The following CCDC33 variants were observed in gnomAD, a reference collection of about 807,000 sequenced individuals.
CCDC33 encodes the protein coiled-coil domain-containing protein 33.
Under a neutral mutation model 91.9 loss-of-function variants are expected in CCDC33, and 94 were observed. The observed-to-expected ratio is 1.02, with a 90% CI of 0.87 to 1.21. The LOEUF (loss-of-function observed/expected upper bound fraction) is 1.21. Among genes scored for constraint, CCDC33 ranks in the 50% most tolerant of loss-of-function variants. CCDC33 has a pLI of 0.00. For missense variants in CCDC33, 940 were observed against 935.5 expected, an observed-to-expected ratio of 1.00 and a Z score of -0.06; for synonymous variants, 396 against 374.5, an observed-to-expected ratio of 1.06 and a Z score of -0.66.
intron 10 of CCDC33, among the ~76,000 whole-genome samples, chr15:74,292,887 C>T (rs1408693097): frequency 2.0e-5 from 3 of 152,198 alleles, no homozygotes; most frequent in Admixed American, 6.5e-5. Context: ...CACCTCACCC[C>T]ATAAGAGACT....
chr15:74,275,673 C>A (rs1033313417), intron 7 of CCDC33, among the ~76,000 whole-genome samples: 1 of 151,966 alleles, frequency 6.6e-6, no homozygotes, highest in Non-Finnish European at 1.5e-5. Flanking sequence ...TAAGAGGCAG[C>A]CTCTCTTTTT....
At chr15:74,243,003 C>T (rs1047161656) in intron 1 of CCDC33, among the ~76,000 whole-genome samples, 3 of 152,082 alleles carry the variant, frequency 2.0e-5, no homozygotes, top group Non-Finnish European at 4.4e-5. Flanking sequence ...CTTCCCTGAC[C>T]GCCTCAGCCG....
intron 3 of CCDC33, among the ~76,000 whole-genome samples, chr15:74,263,372 G>C (rs553398406): frequency 6.6e-6 from 1 of 152,292 alleles, no homozygotes; most frequent in South Asian, 2.1e-4. Flanking sequence ...CTTGCTTCTT[G>C]CAGGTGGTCT....
At chr15:74,281,497 T>C (rs556385583) in intron 9 of CCDC33, among the ~76,000 whole-genome samples, 1 of 152,358 alleles carries the variant, frequency 6.6e-6, no homozygotes, top group South Asian at 2.1e-4. Flanking sequence ...CCATTTCCCC[T>C]AAAATACTTC....
At chr15:74,239,112 G>A (rs780531633) in intron 1 of CCDC33, among the ~76,000 whole-genome samples, 1 of 152,148 alleles carries the variant, frequency 6.6e-6, no homozygotes, top group Non-Finnish European at 1.5e-5. Flanking sequence ...TGACAGATCC[G>A]GGCAGCCAGG....
upstream of CCDC33, among the ~76,000 whole-genome samples, chr15:74,214,420 G>A (rs1353341941): frequency 6.6e-6 from 1 of 152,028 alleles, no homozygotes; most frequent in Non-Finnish European, 1.5e-5. Flanking sequence ...ACCAGGCCCT[G>A]CCCCCCAGAG....
chr15:74,324,016 C>A (rs534400196), intron 11 of CCDC33, among the ~76,000 whole-genome samples: 3 of 150,694 alleles, frequency 2.0e-5, no homozygotes, highest in Admixed American at 2.0e-4. Flanking sequence ...TTGCCTGAAC[C>A]CGGGAGGCGG....
chr15:74,334,924 G>T (rs774592431), intron 17 of CCDC33, 51 bp from the exon 18 acceptor site: 1 of 1,439,780 alleles, frequency 6.9e-7, no homozygotes, highest in Non-Finnish European at 9.8e-7. Flanking sequence ...GGCCATCAGG[G>T]ATTAGCCCTG....
At chr15:74,265,744 C>T (rs1162017590) in intron 3 of CCDC33, among the ~76,000 whole-genome samples, 1 of 152,252 alleles carries the variant, frequency 6.6e-6, no homozygotes, top group Non-Finnish European at 1.5e-5. Flanking sequence ...TTTTTACCGG[C>T]CGGGTGCGGT....
At position 74,322,831 on chromosome 15, in the gene CCDC33, C is replaced by T. The variant is rs573176105; in HGVS notation, c.1291-7358C>T. 3.3e-5 allele frequency among the ~76,000 whole-genome samples: 5 copies of T among 152,254 alleles called. No homozygotes were observed. The South Asian group carries it at 8.3e-4, about 25-fold the overall frequency. On this transcript the variant is annotated intron_variant, in intron 11 of 18. Transcript: ENST00000398814. ...CTGCCAGCGATGGATCCTGGGGATC[C>T]GGGGAACCCTGAGATTGGGTGGCCG...
intron 2 of CCDC33, among the ~76,000 whole-genome samples, chr15:74,258,114 A>G (rs2075921480): frequency 6.6e-6 from 1 of 152,198 alleles, no homozygotes; most frequent in African/African-American, 2.4e-5. Flanking sequence ...TGAGCCAGCA[A>G]TGGGTTGTGA....
At chr15:74,219,968 G>C (rs2074547263) in intron 2 of CCDC33, among the ~76,000 whole-genome samples, 1 of 152,160 alleles carries the variant, frequency 6.6e-6, no homozygotes, top group African/African-American at 2.4e-5. Flanking sequence ...CAGTGCATTG[G>C]TCTGGTGCTG....
In CCDC33 at chr15:74,211,230, C is replaced by T. The variant is rs376618925; in HGVS notation, n.237-916C>T. On this transcript the variant is annotated intron_variant and non_coding_transcript_variant, in intron 2 of 3. Coordinates refer to the CCDC33 transcript ENST00000558645. ...ACATTCCTTCCTAGAGCTTGGACTC[C>T]GTTTCATTCTATGGCTGGGAGACTC... 2.4e-4 allele frequency among the ~76,000 whole-genome samples: 37 copies of T among 151,794 alleles called. 1 individual carries two copies. The highest frequency in any genetic ancestry group is 1.1e-3 in the Admixed American group (17 of 15,220).
Position 74,244,205 on chromosome 15 carries a change from A to ATT in CCDC33, c.185+57_185+58insTT. The ATT allele has an allele frequency of 1.9e-6, 3 of 1,559,868 alleles. No individual in the cohort carries two copies. The highest frequency in any genetic ancestry group is 2.6e-6 in the Non-Finnish European group (3 of 1,149,690). On this transcript the variant is annotated intron_variant, in intron 2 of 18. Transcript: ENST00000398814. This position sits in a 1 kb window ranked among gnomAD's most constrained non-coding sequence, Gnocchi z 4.2. ...ATGGGTTGGGCTGTGAGCAGAAACC[A>ATT]GGGGACAGCTATTTGGAATACTAGC... is the stretch of plus-strand genomic sequence containing the variant.
upstream of CCDC33, among the ~76,000 whole-genome samples, chr15:74,232,031 G>C (rs2074989727): frequency 6.6e-6 from 1 of 152,040 alleles, no homozygotes; most frequent in Non-Finnish European, 1.5e-5. Context: ...AAAAAGAAAA[G>C]ACTCACAGCA....
intron 17 of CCDC33, 56 bp downstream of exon 17, chr15:74,334,023 A>T: frequency 6.9e-7 from 1 of 1,445,240 alleles, no homozygotes; most frequent in Non-Finnish European, 9.7e-7. Flanking sequence ...ACAGCCTATA[A>T]CCAGGGCTCA....
At chr15:74,241,622 G>A (rs2075351392) in intron 1 of CCDC33, among the ~76,000 whole-genome samples, 1 of 152,200 alleles carries the variant, frequency 6.6e-6, no homozygotes, top group Non-Finnish European at 1.5e-5. Flanking sequence ...GGAGAGAGAG[G>A]GTCTGGGTCC....
intron 2 of CCDC33, among the ~76,000 whole-genome samples, chr15:74,229,050 T>C (rs1394102540): frequency 1.3e-5 from 2 of 152,156 alleles, no homozygotes; most frequent in African/African-American, 4.8e-5. Flanking sequence ...CCTGAGGCCC[T>C]GTCCAGTGGG....
chr15:74,242,364 A>G (rs532914950), intron 1 of CCDC33, among the ~76,000 whole-genome samples: 241 of 152,328 alleles, frequency 1.6e-3, no homozygotes, highest in African/African-American at 5.7e-3. Flanking sequence ...GGCTGCCACC[A>G]AAACCAGAGC....
Sources: allele counts gnomAD v4.1 joint callset (sites outside exome capture counted in the v4.1 genomes callset), GRCh38; gene constraint gnomAD v4.1.1; non-coding constraint Gnocchi (gnomAD v3.1); transcripts MANE v1.5; gene names NCBI Gene and HGNC (gene_info 2026-07-23, HGNC 2026-07-21).